The following RIT2 variants were observed in gnomAD, a reference collection of about 807,000 sequenced individuals.
RIT2 encodes GTP-binding protein Rit2.
In RIT2, 24 loss-of-function variants were observed where a neutral mutation model predicts 23.7. That is an observed-to-expected ratio of 1.01 (90% confidence interval 0.73 to 1.43). The LOEUF is 1.43. Ranked by LOEUF, RIT2 falls within the 40% of genes most tolerant of loss-of-function variation. The pLI, the probability that RIT2 is intolerant of heterozygous loss-of-function variation, is 0.00. For missense variants in RIT2, 236 were observed against 266.9 expected (o/e 0.88, Z 0.81); for synonymous variants, 107 against 91.1 (o/e 1.17, Z -0.99).
At chr18:42,806,546 G>A (rs1209427985) in intron 4 of RIT2, among the ~76,000 whole-genome samples, 6 of 151,982 alleles carry the variant, frequency 3.9e-5, no homozygotes, top group African/African-American at 1.4e-4. Context: ...AGAACACAAT[G>A]GCAATAAATG....
intron 1 of RIT2, among the ~76,000 whole-genome samples, chr18:43,074,818 T>C (rs1912974448): frequency 6.6e-6 from 1 of 152,210 alleles, no homozygotes; most frequent in Admixed American, 6.5e-5. Flanking sequence ...ATACCACATG[T>C]TCTCGCTTCT....
chr18:42,816,401 T>C (rs1431796660), intron 4 of RIT2, among the ~76,000 whole-genome samples: 2 of 152,166 alleles, frequency 1.3e-5, no homozygotes, highest in Non-Finnish European at 2.9e-5. Flanking sequence ...GGCTAGATAT[T>C]ACCATCATGC....
At chr18:42,919,386 C>T (rs1490898720) in intron 4 of RIT2, among the ~76,000 whole-genome samples, 1 of 151,892 alleles carries the variant, frequency 6.6e-6, no homozygotes, top group East Asian at 1.9e-4. Context: ...CTGTTGGTAC[C>T]GAAAGGTTTG....
intron 1 of RIT2, among the ~76,000 whole-genome samples, chr18:43,070,267 A>T (rs1169599214): frequency 6.6e-6 from 1 of 152,190 alleles, no homozygotes; most frequent in East Asian, 1.9e-4. Flanking sequence ...GATTACAATC[A>T]TTTCACCAGG....
intron 2 of RIT2, among the ~76,000 whole-genome samples, chr18:43,015,772 A>C (rs1273827857): frequency 6.6e-6 from 1 of 151,716 alleles, no homozygotes; most frequent in Non-Finnish European, 1.5e-5. Context: ...AAGAAGACAA[A>C]AGAAAAGAAT....
At chr18:42,888,311 A>G (rs1377107715) in intron 4 of RIT2, among the ~76,000 whole-genome samples, 1 of 152,024 alleles carries the variant, frequency 6.6e-6, no homozygotes, top group Non-Finnish European at 1.5e-5. Context: ...CTCTAAAAAA[A>G]CAAAGGGTTT....
chr18:42,965,012 T>C (rs1198725658), intron 3 of RIT2, among the ~76,000 whole-genome samples: 1 of 152,194 alleles, frequency 6.6e-6, no homozygotes, highest in South Asian at 2.1e-4. Flanking sequence ...AGAGCTACCT[T>C]AACAACACAT....
intron 2 of RIT2, among the ~76,000 whole-genome samples, chr18:42,982,590 T>C (rs1404603933): frequency 2.0e-5 from 3 of 152,182 alleles, no homozygotes; most frequent in Non-Finnish European, 2.9e-5. Context: ...GCTAACATGA[T>C]ACAGTTATCC....
intron 2 of RIT2, among the ~76,000 whole-genome samples, chr18:43,005,293 C>T (rs1397831488): frequency 6.6e-6 from 1 of 151,734 alleles, no homozygotes; most frequent in Admixed American, 6.6e-5. Flanking sequence ...CAAAAATAAA[C>T]ACTGGCTATT....
rs77258929 is a variant in RIT2, at chr18:43,104,440, C to T, written c.103+10977G>A. Among the ~76,000 whole-genome samples the T allele has an allele frequency of 3.6e-3, 547 of 151,980 alleles. 5 individuals are homozygous for T. Among genetic ancestry groups the T allele is most frequent in the African/African-American group, 0.013 (519 of 41,446 alleles). ...AGAGAGGATTTTAATGTTCACAGCA[C>T]AAAGAAGTAATAAATGTTTGAGGTG... On this transcript the variant is annotated intron_variant, in intron 1 of 4. Transcript: ENST00000326695.
chr18:42,984,493 T>C (rs1008553550), intron 2 of RIT2, among the ~76,000 whole-genome samples: 1 of 152,054 alleles, frequency 6.6e-6, no homozygotes, highest in Non-Finnish European at 1.5e-5. Flanking sequence ...AATATCAATA[T>C]CCTGTTTGTG....
chr18:42,949,018 C>T, intron 3 of RIT2: 1 of 397,792 alleles, frequency 2.5e-6, no homozygotes, highest in Non-Finnish European at 4.4e-6. Context: ...CACAGCTCTA[C>T]TTCCCATCTG....
At chr18:42,879,670 T>C (rs576038331) in intron 4 of RIT2, among the ~76,000 whole-genome samples, 1 of 152,300 alleles carries the variant, frequency 6.6e-6, no homozygotes, top group East Asian at 1.9e-4. Context: ...AATTATCTTT[T>C]AAATGTTGTT....
chr18:42,793,903 C>G (rs1372479041), intron 4 of RIT2, among the ~76,000 whole-genome samples: 2 of 152,040 alleles, frequency 1.3e-5, no homozygotes, highest in Non-Finnish European at 2.9e-5. Flanking sequence ...TTGACTTTTT[C>G]TTTCCACATT....
intron 4 of RIT2, among the ~76,000 whole-genome samples, chr18:42,752,833 A>G (rs1913077780): frequency 6.6e-6 from 1 of 152,192 alleles, no homozygotes; most frequent in Non-Finnish European, 1.5e-5. Flanking sequence ...ATTATACCAC[A>G]GTGCCCCTCA....
chr18:42,749,083 CTT>C (rs890836621), intron 4 of RIT2, among the ~76,000 whole-genome samples: 14 of 151,852 alleles, frequency 9.2e-5, no homozygotes, highest in African/African-American at 3.4e-4. Context: ...TAAAAATTGA[CTT>C]TATCCTAAAG....
chr18:43,078,878 A>G (rs1445089934), intron 1 of RIT2, among the ~76,000 whole-genome samples: 2 of 152,190 alleles, frequency 1.3e-5, no homozygotes, highest in East Asian at 1.9e-4. Context: ...CCAGAGGGCT[A>G]GTATACATCC....
chr18:42,750,136 T>A (rs972335502), intron 4 of RIT2, among the ~76,000 whole-genome samples: 4 of 151,864 alleles, frequency 2.6e-5, no homozygotes, highest in African/African-American at 9.7e-5. Context: ...AAATTTTTAA[T>A]TTTAGTATAG....
At chr18:43,026,584 G>GAAAGAAAGAAAGAAAGAAAT (rs1568059806) in intron 2 of RIT2, among the ~76,000 whole-genome samples, 87 of 94,136 alleles carry the variant, frequency 9.2e-4, no homozygotes, top group African/African-American at 2.9e-3. Flanking sequence ...AAGAAAGAAA[G>GAAAGAAAGAAAGAAAGAAAT]AAAGAAAGAA....
Sources: allele counts gnomAD v4.1 joint callset (sites outside exome capture counted in the v4.1 genomes callset), GRCh38; gene constraint gnomAD v4.1.1; transcripts MANE v1.5; gene names NCBI Gene and HGNC (gene_info 2026-07-23, HGNC 2026-07-21).